The following MAPKBP1 variants were observed in gnomAD, a reference collection of about 807,000 sequenced individuals.
MAPKBP1 encodes the protein mitogen-activated protein kinase-binding protein 1.
MAPKBP1 carries 71 observed loss-of-function variants against 170.5 expected under a neutral mutation model. The observed-to-expected ratio is 0.42, with a 90% CI of 0.34 to 0.51. The LOEUF (loss-of-function observed/expected upper bound fraction) is 0.51, where lower values mean the gene tolerates loss of function less well. Among genes scored for constraint, MAPKBP1 ranks in the 20% least tolerant of loss-of-function variants. The pLI is 0.06. For synonymous variants in MAPKBP1, 719 were observed against 757.9 expected (o/e 0.95, Z 0.84); for missense variants, 1,598 against 1,933.0 (o/e 0.83, Z 3.25).
chr15:41,820,062 C>A (rs1236949816), intron 22 of MAPKBP1, among the ~76,000 whole-genome samples: 1 of 152,160 alleles, frequency 6.6e-6, no homozygotes, highest in Non-Finnish European at 1.5e-5. Context: ...AGAAACAGTT[C>A]TAAAGATCCC....
intron 5 of MAPKBP1, 171 bp from the exon 6 acceptor site, chr15:41,811,786 G>A (rs748573701): frequency 2.7e-5 from 20 of 739,206 alleles, no homozygotes; most frequent in Non-Finnish European, 4.8e-5. Flanking sequence ...GGTAATCACT[G>A]TTGCCCTCAG....
chr15:41,820,737 T>C (rs2064980794), intron 22 of MAPKBP1, 95 bp from the exon 23 acceptor site: 1 of 847,756 alleles, frequency 1.2e-6, no homozygotes, highest in Admixed American at 2.2e-5. Flanking sequence ...CTAGTATGTG[T>C]AGTGTGCCAG....
intron 24 of MAPKBP1, 60 bp from the exon 25 acceptor site, chr15:41,821,905 G>T: frequency 6.3e-7 from 1 of 1,584,410 alleles, no homozygotes; most frequent in South Asian, 1.1e-5. Context: ...CAGGAGTCCA[G>T]CGGGGCTGCT....
chr15:41,812,682 C>G, intron 7 of MAPKBP1, 29 bp downstream of exon 7: 1 of 1,565,426 alleles, frequency 6.4e-7, no homozygotes, highest in Non-Finnish European at 8.6e-7. Context: ...GAGTAGCCAC[C>G]AAGGCCCCTG....
intron 2 of MAPKBP1, among the ~76,000 whole-genome samples, chr15:41,785,227 C>G (rs933856359): frequency 3.3e-5 from 5 of 152,186 alleles, no homozygotes; most frequent in African/African-American, 1.2e-4. Flanking sequence ...CTCGCCTCTT[C>G]TGTTCCAACA....
intron 2 of MAPKBP1, among the ~76,000 whole-genome samples, chr15:41,790,050 A>AG (rs1331117746): frequency 6.6e-6 from 1 of 152,214 alleles, no homozygotes; most frequent in Non-Finnish European, 1.5e-5. Flanking sequence ...AGATAATACT[A>AG]GTCCTTCATG....
intron 21 of MAPKBP1, 52 bp from the exon 22 acceptor site, chr15:41,819,543 G>A: frequency 6.8e-7 from 1 of 1,460,486 alleles, no homozygotes; most frequent in Non-Finnish European, 9.3e-7. Flanking sequence ...CCAGGGTTGG[G>A]TGGCGGGGGG....
At position 41,818,908 on chromosome 15, in the gene MAPKBP1, G is replaced by A. The variant is rs1237673271; in HGVS notation, c.2242G>A (p.Gly748Ser). 15 of 1,614,096 alleles carry A rather than the reference G, an allele frequency of 9.3e-6. No homozygotes were observed. Among genetic ancestry groups the A allele is most frequent in the Middle Eastern group, 1.6e-4 (1 of 6,084 alleles). ...CGAGTTGCGCCAGCGTCAGCGGGGCGGCAAGCAGCAAGGACCATCCTCTCC... is the reference window on the plus strand; with the variant it reads ...CGAGTTGCGCCAGCGTCAGCGGGGCAGCAAGCAGCAAGGACCATCCTCTCC... ...LAELRQRQRG[G>S]KQQGPSSPQR... Residue 748 changes from glycine (G) to serine (S), a missense_variant, in exon 20 of 31, where the codon GGC becomes AGC. Coordinates refer to ENST00000457542, the MANE Select transcript of MAPKBP1 (RefSeq NM_014994.3). The surrounding 1 kb of genome is among the most constrained non-coding windows in gnomAD (Gnocchi z 5.2).
At chr15:41,783,875 C>T (rs376345974) in intron 2 of MAPKBP1, among the ~76,000 whole-genome samples, 3 of 152,056 alleles carry the variant, frequency 2.0e-5, no homozygotes, top group South Asian at 2.1e-4. Flanking sequence ...TGGGCGTGGT[C>T]GCGGGTGCCT....
rs2064911909 is a variant in MAPKBP1 at position 41,817,493 on chromosome 15, C to G, written c.1782+35C>G. ...CTGGGCTTTCCTGAGAGGGGCGGGACAGGGCGGGGTCTGCCATTCCCTGCC... is the reference window on the plus strand; with the variant it reads ...CTGGGCTTTCCTGAGAGGGGCGGGAGAGGGCGGGGTCTGCCATTCCCTGCC... On this transcript the variant is annotated intron_variant, in intron 15 of 30. Transcript: ENST00000457542. The surrounding 1 kb of genome is among the most constrained non-coding windows in gnomAD (Gnocchi z 4.2). 6.2e-7 allele frequency: 1 copy of G among 1,601,138 alleles called. No individual in the cohort carries two copies. Among genetic ancestry groups the G allele is most frequent in the Non-Finnish European group, 8.6e-7 (1 of 1,168,396 alleles).
At chr15:41,815,112 A>T in intron 10 of MAPKBP1, 147 bp from the exon 11 acceptor site, 1 of 864,876 alleles carries the variant, frequency 1.2e-6, no homozygotes, top group Non-Finnish European at 1.8e-6. Context: ...GTTGAAGGGT[A>T]TATACCAGTT....
At position 41,823,438 on chromosome 15, in the gene MAPKBP1, C is replaced by T; in HGVS notation, c.3599-9C>T. 6.2e-7 allele frequency: 1 copy of T among 1,607,036 alleles called. No homozygotes were observed. Among genetic ancestry groups the T allele is most frequent in the Non-Finnish European group, 8.5e-7 (1 of 1,175,696 alleles). On this transcript the variant is annotated splice_polypyrimidine_tract_variant and intron_variant, in intron 28 of 30. Coordinates refer to ENST00000457542, the MANE Select transcript of MAPKBP1 (RefSeq NM_014994.3). The stretch of plus-strand genomic sequence containing the variant: ...ACCTGACCTGTGTATACCTCTGTCT[C>T]CTTTGCAGAAAGACATGAGGCCAGT...
chr15:41,798,848 C>G (rs748164121), intron 2 of MAPKBP1, among the ~76,000 whole-genome samples: 1 of 152,202 alleles, frequency 6.6e-6, no homozygotes, highest in Non-Finnish European at 1.5e-5. Flanking sequence ...AAGCCCCACT[C>G]TCTGAGCCAG....
At chr15:41,806,318 C>G (rs1211057800) in intron 3 of MAPKBP1, among the ~76,000 whole-genome samples, 5 of 152,174 alleles carry the variant, frequency 3.3e-5, no homozygotes, top group Non-Finnish European at 7.3e-5. Flanking sequence ...GCCAGAAGCC[C>G]CTTTGGCATG....
chr15:41,803,850 T>C (rs1325423044), intron 3 of MAPKBP1, among the ~76,000 whole-genome samples: 1 of 151,980 alleles, frequency 6.6e-6, no homozygotes, highest in Non-Finnish European at 1.5e-5. Flanking sequence ...ACCACACTGT[T>C]TTTTTTTGAG....
chr15:41,805,981 AT>A (rs1349935912), intron 3 of MAPKBP1, among the ~76,000 whole-genome samples: 14 of 152,132 alleles, frequency 9.2e-5, no homozygotes, highest in African/African-American at 2.9e-4. Context: ...CAGGGCCCTC[AT>A]TCACACTCTG....
At chr15:41,815,951 A>G (rs2064883684) in intron 12 of MAPKBP1, 152 bp downstream of exon 12, 1 of 754,558 alleles carries the variant, frequency 1.3e-6, no homozygotes. Flanking sequence ...TAAACCTAGC[A>G]GAAATCATCT....
rs770162372 is a variant in MAPKBP1 at position 41,825,583 on chromosome 15, G to A, written c.*147G>A. 15 of 626,516 alleles carry A rather than the reference G, an allele frequency of 2.4e-5. No homozygotes were observed. The highest frequency in any genetic ancestry group is 4.2e-4 in the Middle Eastern group (1 of 2,370). 38.8% of individuals were successfully genotyped at this position (626,516 alleles called of 1,614,324 possible). A position where few individuals can be genotyped will look rare whatever the true frequency, so the allele number is the denominator to read the frequency against. ...AAAGCAGCCTTCCCAGCCGCTCCTC[G>A]TGGGGGGCCTGTATTTATTAATTTA... On this transcript the variant is annotated 3_prime_UTR_variant, in exon 31 of 31. Coordinates refer to ENST00000457542, the MANE Select transcript of MAPKBP1 (RefSeq NM_014994.3).
At chr15:41,808,335 G>T (rs1211516433) in intron 3 of MAPKBP1, among the ~76,000 whole-genome samples, 1 of 151,654 alleles carries the variant, frequency 6.6e-6, no homozygotes, top group East Asian at 2.0e-4. Context: ...TCGATCTCCT[G>T]ACCTCGTGAT....
Sources: allele counts gnomAD v4.1 joint callset (sites outside exome capture counted in the v4.1 genomes callset), GRCh38; gene constraint gnomAD v4.1.1; non-coding constraint Gnocchi (gnomAD v3.1); transcripts MANE v1.5; gene names NCBI Gene and HGNC (gene_info 2026-07-23, HGNC 2026-07-21).